Variants in GRM4 observed in about 807,000 individuals in gnomAD.
The protein encoded by GRM4 is glutamate metabotropic receptor 4.
GRM4 carries 28 observed loss-of-function variants against 81.7 expected under a neutral mutation model. That is an observed-to-expected ratio of 0.34 (90% confidence interval 0.25 to 0.47). The LOEUF is 0.47. Ranked by LOEUF, GRM4 falls within the 20% of genes least tolerant of loss-of-function variation. The pLI is 1.00. For synonymous variants in GRM4, 488 were observed against 528.8 expected (o/e 0.92, Z 1.06); for missense variants, 948 against 1,290.0 (o/e 0.73, Z 4.06).
At chr6:34,147,898 TGTTG>T (rs1297064194), upstream of GRM4, among the ~76,000 whole-genome samples, 6 of 125,804 alleles carry the variant, frequency 4.8e-5, no homozygotes, top group South Asian at 2.7e-4. Context: ...AATATACTTT[TGTTG>T]AATGAATGAA....
At chr6:34,050,247 G>A (rs1461789229) in intron 6 of GRM4, among the ~76,000 whole-genome samples, 1 of 152,104 alleles carries the variant, frequency 6.6e-6, no homozygotes, top group Non-Finnish European at 1.5e-5. Context: ...TCTCTCTCAC[G>A]GCCTTCAGGT....
chr6:34,056,796 G>A (rs1292048953), intron 5 of GRM4, 112 bp from the exon 6 acceptor site: 11 of 1,171,858 alleles, frequency 9.4e-6, no homozygotes, highest in African/African-American at 1.5e-5. Flanking sequence ...GAGAGACCAG[G>A]AGGAGCACAT....
intron 3 of GRM4, among the ~76,000 whole-genome samples, chr6:34,083,684 A>G (rs1297547421): frequency 2.6e-5 from 4 of 152,208 alleles, no homozygotes; most frequent in African/African-American, 9.6e-5. Context: ...CAGAGTGCTC[A>G]GCCTTGGGCC....
intron 2 of GRM4, among the ~76,000 whole-genome samples, chr6:34,117,939 C>T (rs926649618): frequency 2.2e-4 from 34 of 152,112 alleles, no homozygotes; most frequent in African/African-American, 7.2e-4. Flanking sequence ...ATGCGAGGGC[C>T]CCTTGGGTGA....
At chr6:34,084,545 G>T (rs1292453279) in intron 3 of GRM4, among the ~76,000 whole-genome samples, 10 of 152,174 alleles carry the variant, frequency 6.6e-5, no homozygotes. Context: ...TCAATGGCAA[G>T]GGGACCCCTC....
At chr6:34,124,840 C>T (rs1252985741) in intron 2 of GRM4, among the ~76,000 whole-genome samples, 2 of 151,438 alleles carry the variant, frequency 1.3e-5, no homozygotes, top group South Asian at 2.1e-4. Flanking sequence ...AACTTGAGGA[C>T]CCCCCCCTAG....
At chr6:34,144,855 C>T (rs931457924) in intron 1 of GRM4, among the ~76,000 whole-genome samples, 5 of 152,198 alleles carry the variant, frequency 3.3e-5, no homozygotes, top group African/African-American at 1.2e-4. Flanking sequence ...CCATTCCCTC[C>T]CTCAGGGGCA....
intron 9 of GRM4, among the ~76,000 whole-genome samples, chr6:34,031,839 C>T (rs1023761506): frequency 1.5e-4 from 23 of 152,162 alleles, no homozygotes; most frequent in East Asian, 1.9e-4. Flanking sequence ...TGTGCAAGTG[C>T]GTGTGTGCAT....
chr6:34,118,337 A>C (rs1277367190), intron 2 of GRM4, among the ~76,000 whole-genome samples: 1 of 152,158 alleles, frequency 6.6e-6, no homozygotes, highest in Non-Finnish European at 1.5e-5. Flanking sequence ...CAGCCTGCAA[A>C]GCACCCATAG....
rs571074814 is a variant in GRM4, at chr6:34,028,350, G to A, written c.2459C>T (p.Thr820Met). 3.1e-6 allele frequency: 5 copies of A among 1,610,720 alleles called. No homozygotes were observed. The highest frequency in any genetic ancestry group is 2.2e-5 in the East Asian group (1 of 44,874). ...CAGACTCACCGAGACCGTCAGCGTC[G>A]TCGTCTGGATGTACAGCTGGCGGAG... ...QSADKLYIQTTTLTVSVSLSA... is the reference protein window; with the variant it reads ...QSADKLYIQTMTLTVSVSLSA... The change falls in exon 10 of 11, where the codon ACG becomes ATG. Residue 820 changes from threonine to methionine, a missense_variant. By Grantham distance (81) the Thr-to-Met change is moderately conservative (BLOSUM62 -1). Transcript: ENST00000538487.
Position 34,068,669 on chromosome 6 carries a change from C to T in GRM4, c.737-6641G>A, listed in dbSNP as rs1906953. Among the ~76,000 whole-genome samples the T allele has an allele frequency of 0.25, 37,947 of 152,150 alleles. 6,633 individuals carry two copies. The highest frequency in any genetic ancestry group is 0.48 in the East Asian group (2,493 of 5,162). On this transcript the variant is annotated intron_variant, in intron 3 of 10. Transcript: ENST00000538487. This position sits in a 1 kb window ranked among gnomAD's most constrained non-coding sequence, Gnocchi z 4.2. ...GCCTATCTCATGCAGTCAGCCTGGG[C>T]GGGCTGAAAGGAAAGGCCTCCCGTA...
intron 10 of GRM4, among the ~76,000 whole-genome samples, chr6:34,025,576 G>A (rs975512905): frequency 6.6e-6 from 1 of 152,180 alleles, no homozygotes; most frequent in Non-Finnish European, 1.5e-5. Context: ...GGTTCCAGAA[G>A]CTGGGGAGCT....
chr6:34,101,645 C>G (rs931547494), intron 2 of GRM4, among the ~76,000 whole-genome samples: 4 of 152,266 alleles, frequency 2.6e-5, no homozygotes, highest in Non-Finnish European at 5.9e-5. Flanking sequence ...GCCTCCACTC[C>G]TGGCTGTCAA....
intron 6 of GRM4, among the ~76,000 whole-genome samples, chr6:34,051,805 T>G (rs1261884209): frequency 6.6e-6 from 1 of 151,970 alleles, no homozygotes; most frequent in African/African-American, 2.4e-5. Flanking sequence ...ATGAGGGAGG[T>G]AGCACTCTGC....
Position 34,069,200 on chromosome 6 carries a change from A to ACG in GRM4, c.737-7173_737-7172insCG, listed in dbSNP as rs1487454698. On this transcript the variant is annotated intron_variant, in intron 3 of 10. Coordinates refer to ENST00000538487, the MANE Select transcript of GRM4 (RefSeq NM_000841.4). The surrounding 1 kb of genome is among the most constrained non-coding windows in gnomAD (Gnocchi z 6.4). ...CACACACACACACACACACACACAC[A>ACG]CACACGCACGCACACACGGCTCCTT... Among the ~76,000 whole-genome samples, 92 of 143,944 alleles carry ACG rather than the reference A, an allele frequency of 6.4e-4. No individual in the cohort carries two copies. Among genetic ancestry groups the ACG allele is most frequent in the Middle Eastern group, 7.1e-3 (2 of 280 alleles). The allele number at this position is 143,944 out of a possible 152,430, so 94.4% of individuals were successfully genotyped here. A position where few individuals can be genotyped will look rare whatever the true frequency, so the allele number is the denominator to read the frequency against.
rs895273963 is a variant in GRM4, at chr6:34,021,720, A to G, written c.*1101T>C. The G allele has an allele frequency of 6.6e-6, 1 of 151,518 alleles. No individual in the cohort carries two copies. The highest frequency in any genetic ancestry group is 2.4e-5 in the African/African-American group (1 of 41,022). The allele number at this position is 151,518 out of a possible 1,614,324, so 9.4% of individuals were successfully genotyped here. Reference sequence around the variant, plus strand: ...CACCACACTAGATCCCAGCCTAGGGAGCAGTCTCCACAGCCCCCAAGCCCT... The same window carrying G: ...CACCACACTAGATCCCAGCCTAGGGGGCAGTCTCCACAGCCCCCAAGCCCT... On this transcript the variant is annotated 3_prime_UTR_variant, in exon 11 of 11. Coordinates refer to ENST00000538487, the MANE Select transcript of GRM4 (RefSeq NM_000841.4). This position sits in a 1 kb window ranked among gnomAD's most constrained non-coding sequence, Gnocchi z 5.3.
chr6:34,113,014 G>A (rs867409810), intron 2 of GRM4, among the ~76,000 whole-genome samples: 2 of 151,900 alleles, frequency 1.3e-5, no homozygotes, highest in Non-Finnish European at 2.9e-5. Context: ...ATTCCCTCTG[G>A]GTTTGAAAAT....
In GRM4 at chr6:34,056,702, C is replaced by T. The variant is rs947363591; in HGVS notation, c.1028-18G>A. The stretch of plus-strand genomic sequence containing the variant: ...GTCGAAGCCTGGCAGGGAACCAGGA[C>T]GTCAGGGCCTCACTGGCCTTCTTCC... On this transcript the variant is annotated intron_variant, in intron 5 of 10. Coordinates refer to ENST00000538487, the MANE Select transcript of GRM4 (RefSeq NM_000841.4). 2 of 1,609,356 alleles carry T rather than the reference C, an allele frequency of 1.2e-6. No individual in the cohort carries two copies.
rs1203603477 is a variant in GRM4 at position 34,047,140 on chromosome 6, C to G, written c.1169-6392G>C. 6.6e-6 allele frequency among the ~76,000 whole-genome samples: 1 copy of G among 152,094 alleles called. No homozygotes were observed. The highest frequency in any genetic ancestry group is 1.5e-5 in the Non-Finnish European group (1 of 68,012). On this transcript the variant is annotated intron_variant, in intron 6 of 10. Transcript: ENST00000538487. The surrounding 1 kb of genome is among the most constrained non-coding windows in gnomAD (Gnocchi z 4.5). ...GCCACTGGGAGGACTGAGGGAGATG[C>G]AACACCATGTCTTGTGCACAGAAGT...
Sources: allele counts gnomAD v4.1 joint callset (sites outside exome capture counted in the v4.1 genomes callset), GRCh38; gene constraint gnomAD v4.1.1; non-coding constraint Gnocchi (gnomAD v3.1); transcripts MANE v1.5; gene names NCBI Gene and HGNC (gene_info 2026-07-23, HGNC 2026-07-21).